Variants in TAFA1 observed in about 807,000 individuals in gnomAD.
TAFA1 encodes TAFA chemokine like family member 1.
Under a neutral mutation model 18.5 loss-of-function variants are expected in TAFA1, and 4 were observed. The observed-to-expected ratio is 0.22, with a 90% CI of 0.11 to 0.49. The LOEUF is 0.49. Among genes scored for constraint, TAFA1 ranks in the 20% least tolerant of loss-of-function variants. The pLI, the probability that TAFA1 is intolerant of heterozygous loss-of-function variation, is 0.98. For missense variants in TAFA1, 147 were observed against 169.0 expected (o/e 0.87, Z 0.72); for synonymous variants, 56 against 55.2 (o/e 1.01, Z -0.06).
intron 2 of TAFA1, chr3:68,144,996 C>A: frequency 1.3e-6 from 2 of 1,507,716 alleles, no homozygotes; most frequent in South Asian, 2.3e-5. Context: ...CGGAGACCGG[C>A]CGTGAAGATG....
intron 2 of TAFA1, among the ~76,000 whole-genome samples, chr3:68,253,149 A>G (rs1311928005): frequency 1.3e-5 from 2 of 152,148 alleles, no homozygotes; most frequent in Non-Finnish European, 2.9e-5. Flanking sequence ...TAACTACCTC[A>G]TATTTCTGGT....
At chr3:68,173,844 A>C (rs1271862263) in intron 2 of TAFA1, among the ~76,000 whole-genome samples, 1 of 152,120 alleles carries the variant, frequency 6.6e-6, no homozygotes, top group African/African-American at 2.4e-5. Context: ...GTTTTTTGAA[A>C]CAGCAGTAGA....
intron 2 of TAFA1, among the ~76,000 whole-genome samples, chr3:68,081,850 G>A (rs1329268992): frequency 2.6e-5 from 4 of 152,348 alleles, no homozygotes; most frequent in African/African-American, 9.6e-5. Flanking sequence ...CCCAGTTCGA[G>A]CTTCCTGGCT....
chr3:68,195,450 A>T (rs2066399109), intron 2 of TAFA1, among the ~76,000 whole-genome samples: 1 of 150,342 alleles, frequency 6.7e-6, no homozygotes, highest in South Asian at 2.1e-4. Flanking sequence ...CATTATGACC[A>T]TTCTGTCTCT....
chr3:68,164,631 G>A (rs1309616528), intron 2 of TAFA1, among the ~76,000 whole-genome samples: 1 of 566 alleles, frequency 1.8e-3, no homozygotes. Context: ...CTTTTGCAAC[G>A]TGTGTGTGTG....
intron 3 of TAFA1, among the ~76,000 whole-genome samples, chr3:68,481,530 G>A (rs1283897486): frequency 6.6e-6 from 1 of 152,158 alleles, no homozygotes; most frequent in African/African-American, 2.4e-5. Context: ...TAGAGGCAGA[G>A]TTTCATTCCG....
intron 2 of TAFA1, among the ~76,000 whole-genome samples, chr3:68,366,099 A>AG (rs1559635610): frequency 6.6e-6 from 1 of 151,106 alleles, no homozygotes. Context: ...AAAAAAAAAA[A>AG]AAAAAGAAAC....
At chr3:68,222,017 A>G (rs981982347) in intron 2 of TAFA1, among the ~76,000 whole-genome samples, 1 of 152,308 alleles carries the variant, frequency 6.6e-6, no homozygotes, top group African/African-American at 2.4e-5. Flanking sequence ...TAACTGTTGG[A>G]TCTGAGCAGA....
intron 2 of TAFA1, among the ~76,000 whole-genome samples, chr3:68,137,868 A>G (rs1419111784): frequency 6.6e-6 from 1 of 152,212 alleles, no homozygotes; most frequent in African/African-American, 2.4e-5. Flanking sequence ...TAAAGCACGA[A>G]AGATGTCCAA....
rs994814856 is a variant in TAFA1, at chr3:68,538,879, G to A, written c.383G>A (p.Arg128Lys). ...ACAGGCAACAAAATTAAGACCACGA[G>A]AGTAAGTGCACTTATTTCAAATGTA... The part of the protein sequence containing the change: ...CATGNKIKTT[R>K]IHPRT Residue 128 changes from arginine (R) to lysine (K), a missense_variant and splice_region_variant, in exon 4 of 5, where the codon AGA (arginine) becomes AAA (lysine). By Grantham distance (26) the Arg-to-Lys change is conservative. Coordinates refer to ENST00000478136, the MANE Select transcript of TAFA1 (RefSeq NM_213609.4). The A allele has an allele frequency of 6.2e-6, 10 of 1,613,366 alleles. No homozygotes were observed. Among genetic ancestry groups the A allele is most frequent in the Admixed American group, 1.7e-5 (1 of 59,894 alleles).
chr3:68,255,617 G>C (rs1256191412), intron 2 of TAFA1, among the ~76,000 whole-genome samples: 1 of 152,078 alleles, frequency 6.6e-6, no homozygotes, highest in Non-Finnish European at 1.5e-5. Context: ...ACAGCATAGA[G>C]GATCACTAAT....
At chr3:68,495,639 G>T (rs140128271) in intron 3 of TAFA1, among the ~76,000 whole-genome samples, 1 of 152,176 alleles carries the variant, frequency 6.6e-6, no homozygotes, top group African/African-American at 2.4e-5. Context: ...CTTCCACCGA[G>T]TTTTCCAACT....
intron 3 of TAFA1, among the ~76,000 whole-genome samples, chr3:68,500,978 C>T (rs2072646989): frequency 6.6e-6 from 1 of 151,658 alleles, no homozygotes; most frequent in Non-Finnish European, 1.5e-5. Context: ...ATGTTGAAAT[C>T]CTGGCTCTAC....
intron 3 of TAFA1, among the ~76,000 whole-genome samples, chr3:68,424,506 T>G (rs1229848465): frequency 6.6e-6 from 1 of 152,040 alleles, no homozygotes; most frequent in Non-Finnish European, 1.5e-5. Context: ...AATTTTTTTT[T>G]CAAGTGGCAT....
At chr3:68,036,204 G>A (rs1705043526) in intron 2 of TAFA1, among the ~76,000 whole-genome samples, 1 of 152,102 alleles carries the variant, frequency 6.6e-6, no homozygotes, top group African/African-American at 2.4e-5. Flanking sequence ...ACTTTGGGAG[G>A]CCAAGGTGGG....
chr3:68,360,224 C>G (rs262234), intron 2 of TAFA1, among the ~76,000 whole-genome samples: 1 of 151,660 alleles, frequency 6.6e-6, no homozygotes, highest in Non-Finnish European at 1.5e-5. Flanking sequence ...AGGTGTGTGA[C>G]GTGTAGAGAA....
intron 2 of TAFA1, among the ~76,000 whole-genome samples, chr3:68,048,695 A>C (rs2064426755): frequency 6.6e-6 from 1 of 152,052 alleles, no homozygotes; most frequent in African/African-American, 2.4e-5. Context: ...CCCACAAATA[A>C]ATGAGAATAT....
At chr3:68,012,977 T>C (rs1036418377) in intron 2 of TAFA1, among the ~76,000 whole-genome samples, 4 of 152,186 alleles carry the variant, frequency 2.6e-5, no homozygotes, top group African/African-American at 7.2e-5. Context: ...TCTGGAAAGA[T>C]TTGCGTGTAA....
intron 2 of TAFA1, among the ~76,000 whole-genome samples, chr3:68,375,525 A>T (rs2069792641): frequency 6.6e-6 from 1 of 152,200 alleles, no homozygotes; most frequent in African/African-American, 2.4e-5. Context: ...CATTTTGTAT[A>T]TAAATAAGCC....
Sources: gnomAD v4.1 joint callset for allele counts (sites outside exome capture counted in the v4.1 genomes callset) on GRCh38, gnomAD v4.1.1 for gene constraint, MANE v1.5 for transcripts, NCBI Gene and HGNC (gene_info 2026-07-23, HGNC 2026-07-21) for gene names.